Variants in SNX14 observed in about 807,000 individuals in gnomAD.
SNX14 encodes the protein sorting nexin-14.
Under a neutral mutation model 133.8 loss-of-function variants are expected in SNX14, and 93 were observed. The ratio of observed to expected loss-of-function variants is 0.70; its 90% CI spans 0.59 to 0.83. The LOEUF (loss-of-function observed/expected upper bound fraction) is 0.83, where lower values mean the gene tolerates loss of function less well. Among genes scored for constraint, SNX14 ranks in the 40% least tolerant of loss-of-function variants. The pLI is 0.00. For missense variants in SNX14, 945 were observed against 1,094.9 expected, an observed-to-expected ratio of 0.86 and a Z score of 1.93; for synonymous variants, 368 against 365.6, an observed-to-expected ratio of 1.01 and a Z score of -0.07.
chr6:85,507,142 C>A, intron 28 of SNX14, 91 bp downstream of exon 28: 1 of 1,168,354 alleles, frequency 8.6e-7, no homozygotes, highest in Non-Finnish European at 1.3e-6. Context: ...AGAACAGAGA[C>A]AAGGGTTTTC....
Position 85,517,759 on chromosome 6 carries a change from CTTG to C in SNX14, c.2262_2264del (p.Asn754del), listed in dbSNP as rs746360312. 2.7e-5 allele frequency: 43 copies of C among 1,595,172 alleles called. No individual in the cohort carries two copies. Among genetic ancestry groups the C allele is most frequent in the Non-Finnish European group, 3.6e-5 (42 of 1,175,284 alleles). On this transcript the variant is annotated inframe_deletion, in exon 23 of 29. Transcript: ENST00000314673. ...TCTTTAATGCAATGTGCAGTACCTT[CTTG>C]TTGTTTTCTGAAGTAGGGCTGAGAA...
chr6:85,532,783 G>C (rs1009252247), intron 18 of SNX14, among the ~76,000 whole-genome samples: 1 of 152,126 alleles, frequency 6.6e-6, no homozygotes, highest in African/African-American at 2.4e-5. Flanking sequence ...GCTACATACA[G>C]ATACTGTTAA....
At chr6:85,557,900 T>C (rs994602785) in intron 7 of SNX14, 76 bp downstream of exon 7, 5 of 791,712 alleles carry the variant, frequency 6.3e-6, no homozygotes, top group Middle Eastern at 2.3e-4. Context: ...TAATCAGTAC[T>C]CATATTTAGA....
chr6:85,533,552 C>A (rs745574724), intron 18 of SNX14, 47 bp downstream of exon 18: 1 of 1,562,212 alleles, frequency 6.4e-7, no homozygotes, highest in South Asian at 1.2e-5. Context: ...TAACAACAGA[C>A]TCATTCATGG....
intron 21 of SNX14, among the ~76,000 whole-genome samples, chr6:85,518,525 A>G (rs1440648630): frequency 6.6e-6 from 1 of 152,202 alleles, no homozygotes; most frequent in Non-Finnish European, 1.5e-5. Context: ...AAGAATTTCT[A>G]TTCTAAATCC....
intron 6 of SNX14, among the ~76,000 whole-genome samples, chr6:85,559,538 T>C (rs1227597086): frequency 6.6e-6 from 1 of 152,216 alleles, no homozygotes; most frequent in Non-Finnish European, 1.5e-5. Flanking sequence ...ATTTACATTA[T>C]GCAGGCAACA....
In SNX14 at chr6:85,593,522, C is replaced by T. The variant is rs114417373; in HGVS notation, c.140+57G>A. ...CTCCGCACGGTTAAGCAGCACGGGC[C>T]GGGCGTCTGCACCTTCGGAGAAAAG... On this transcript the variant is annotated intron_variant, in intron 1 of 28. Transcript: ENST00000314673. 5.8e-4 allele frequency: 909 copies of T among 1,554,568 alleles called. 3 individuals carry two copies. The African/African-American group carries it at 0.01, about 17-fold the overall frequency.
chr6:85,508,223 G>GT, intron 26 of SNX14, 164 bp from the exon 27 acceptor site: 1 of 1,287,796 alleles, frequency 7.8e-7, no homozygotes, highest in Non-Finnish European at 9.8e-7. Flanking sequence ...TGGATAAGAG[G>GT]TTTCTATGGT....
At chr6:85,523,648 T>C (rs1240487480) in intron 21 of SNX14, among the ~76,000 whole-genome samples, 3 of 152,020 alleles carry the variant, frequency 2.0e-5, no homozygotes, top group Non-Finnish European at 4.4e-5. Flanking sequence ...GGTGCACACC[T>C]GTAGTTCTCA....
chr6:85,583,365 C>G (rs1045217152), intron 1 of SNX14, among the ~76,000 whole-genome samples: 2 of 152,172 alleles, frequency 1.3e-5, no homozygotes, highest in Non-Finnish European at 2.9e-5. Context: ...CCTCTCTCAC[C>G]ACTCCTATTC....
chr6:85,515,405 G>C (rs573300836), intron 23 of SNX14, among the ~76,000 whole-genome samples: 1 of 150,984 alleles, frequency 6.6e-6, no homozygotes, highest in Non-Finnish European at 1.5e-5. Context: ...GTTGGGGTGG[G>C]GGGGAACTAA....
chr6:85,535,207 G>T (rs1190081793), intron 17 of SNX14, among the ~76,000 whole-genome samples: 2 of 151,564 alleles, frequency 1.3e-5, no homozygotes, highest in African/African-American at 2.4e-5. Context: ...TAAAGACAGG[G>T]TCTCACCATG....
intron 18 of SNX14, among the ~76,000 whole-genome samples, chr6:85,532,121 TTA>T (rs1780503843): frequency 6.6e-6 from 1 of 152,158 alleles, no homozygotes; most frequent in African/African-American, 2.4e-5. Context: ...CTATTATAAT[TTA>T]TGTTAAATGA....
chr6:85,593,854 C>T lies in SNX14; in HGVS notation c.-136G>A. 6.7e-7 allele frequency: 1 copy of T among 1,488,344 alleles called. No individual in the cohort carries two copies. The highest frequency in any genetic ancestry group is 8.9e-7 in the Non-Finnish European group (1 of 1,126,302). 92.2% of individuals were successfully genotyped at this position (1,488,344 alleles called of 1,614,324 possible). ...CCTACCGGCAGTTAGCCGCCGCAGGCTGAGGTCGCGTCCGGCTGGGCCCAG... is the reference window on the plus strand; with the variant it reads ...CCTACCGGCAGTTAGCCGCCGCAGGTTGAGGTCGCGTCCGGCTGGGCCCAG... On this transcript the variant is annotated 5_prime_UTR_variant, in exon 1 of 29. Coordinates refer to ENST00000314673, the MANE Select transcript of SNX14 (RefSeq NM_153816.6).
chr6:85,564,284 C>T (rs569694398), intron 6 of SNX14, among the ~76,000 whole-genome samples: 2 of 152,252 alleles, frequency 1.3e-5, no homozygotes, highest in Admixed American at 6.5e-5. Context: ...TGGGTATATA[C>T]CCAGTAATGG....
chr6:85,581,798 C>T lies in SNX14; in HGVS notation c.141-7420G>A, dbSNP rs1562403034. The stretch of plus-strand genomic sequence containing the variant: ...TGAAGACAGGCTATTTGAAAATACA[C>T]AGAAAAGACAAAAGAACAAAATAAC... On this transcript the variant is annotated intron_variant, in intron 1 of 28. Transcript: ENST00000314673. 6 of 152,046 alleles carry T rather than the reference C, an allele frequency of 3.9e-5. No homozygotes were observed. The East Asian group carries it at 1.2e-3, about 29-fold the overall frequency. 9.4% of individuals were successfully genotyped at this position (152,046 alleles called of 1,614,324 possible). A position where few individuals can be genotyped will look rare whatever the true frequency, so the allele number is the denominator to read the frequency against.
intron 4 of SNX14, among the ~76,000 whole-genome samples, chr6:85,570,784 C>T (rs1280045945): frequency 1.3e-5 from 2 of 151,722 alleles, no homozygotes; most frequent in East Asian, 1.9e-4. Context: ...ACTCGGGAGG[C>T]GGAGGTTGCA....
intron 1 of SNX14, among the ~76,000 whole-genome samples, chr6:85,577,442 A>C (rs1009233483): frequency 2.0e-5 from 3 of 151,948 alleles, no homozygotes; most frequent in African/African-American, 7.2e-5. Context: ...AAAAGCAAGC[A>C]GAAGAGAAAA....
chr6:85,540,342 G>A (rs912945055), intron 15 of SNX14, among the ~76,000 whole-genome samples: 21 of 152,270 alleles, frequency 1.4e-4, no homozygotes, highest in African/African-American at 4.8e-4. Context: ...TTAGCTCCAC[G>A]TCCTGGTATG....
Sources: allele counts gnomAD v4.1 joint callset (sites outside exome capture counted in the v4.1 genomes callset), GRCh38; gene constraint gnomAD v4.1.1; transcripts MANE v1.5; gene names NCBI Gene and HGNC (gene_info 2026-07-23, HGNC 2026-07-21).